The following MCC variants were observed in gnomAD, a reference collection of about 807,000 sequenced individuals.
MCC encodes colorectal mutant cancer protein.
MCC carries 90 observed loss-of-function variants against 116.2 expected under a neutral mutation model. The observed-to-expected ratio is 0.77, with a 90% confidence interval of 0.65 to 0.92. The LOEUF (loss-of-function observed/expected upper bound fraction) is 0.92, where lower values mean the gene tolerates loss of function less well. Ranked by LOEUF, MCC falls within the 40% of genes least tolerant of loss-of-function variation. MCC has a pLI of 0.00. For missense variants in MCC, 1,516 were observed against 1,312.2 expected, an observed-to-expected ratio of 1.16 and a Z score of -2.40; for synonymous variants, 578 against 510.5, an observed-to-expected ratio of 1.13 and a Z score of -1.78.
At chr5:113,080,820 AAAAAAAAG>A (rs950244879) in intron 11 of MCC, among the ~76,000 whole-genome samples, 8 of 145,520 alleles carry the variant, frequency 5.5e-5, no homozygotes, top group African/African-American at 1.9e-4. Flanking sequence ...AACAACAAAA[AAAAAAAAG>A]AAAAGAAAAA....
At chr5:113,141,449 G>C (rs1759176288) in intron 5 of MCC, among the ~76,000 whole-genome samples, 2 of 152,158 alleles carry the variant, frequency 1.3e-5, no homozygotes, top group African/African-American at 4.8e-5. Flanking sequence ...ATGTCTATCT[G>C]TCTCTACGTT....
intron 16 of MCC, among the ~76,000 whole-genome samples, chr5:113,047,548 T>C (rs1430992323): frequency 6.6e-6 from 1 of 152,156 alleles, no homozygotes. Context: ...ATCAGTACTG[T>C]TCCTTCTTTC....
chr5:113,166,249 TAAAAA>T (rs1760760815), intron 3 of MCC, among the ~76,000 whole-genome samples: 1 of 152,158 alleles, frequency 6.6e-6, no homozygotes, highest in Non-Finnish European at 1.5e-5. Flanking sequence ...CCAACCTAGA[TAAAAA>T]TATCAAAAGA....
intron 3 of MCC, among the ~76,000 whole-genome samples, chr5:113,182,924 A>G (rs1761706079): frequency 6.6e-6 from 1 of 152,216 alleles, no homozygotes; most frequent in Non-Finnish European, 1.5e-5. Flanking sequence ...TGCCACAGAC[A>G]GCACAGGAGA....
intron 5 of MCC, among the ~76,000 whole-genome samples, chr5:113,130,655 G>A (rs1758369117): frequency 6.6e-6 from 1 of 152,056 alleles, no homozygotes; most frequent in South Asian, 2.1e-4. Flanking sequence ...TTGTGGGTGA[G>A]TGAGTTCTCA....
chr5:113,040,237 A>G (rs1751607653), intron 17 of MCC, among the ~76,000 whole-genome samples: 1 of 151,954 alleles, frequency 6.6e-6, no homozygotes, highest in Non-Finnish European at 1.5e-5. Flanking sequence ...AGGAGAAGAT[A>G]CACTGAGAGA....
intron 2 of MCC, 35 bp downstream of exon 2, chr5:113,384,932 TG>T: frequency 6.2e-6 from 10 of 1,611,692 alleles, no homozygotes; most frequent in Non-Finnish European, 8.5e-6. Context: ...GCAAGGCCAG[TG>T]GAGTGCCATA....
rs200675085 is a variant in MCC at position 113,431,768 on chromosome 5, G to GT, written c.171-46557_171-46556insA. Among the ~76,000 whole-genome samples the GT allele has an allele frequency of 2.0e-4, 28 of 136,850 alleles. 1 individual carries two copies. The highest frequency in any genetic ancestry group is 5.6e-4 in the African/African-American group (21 of 37,504). 89.8% of individuals were successfully genotyped at this position (136,850 alleles called of 152,430 possible). On this transcript the variant is annotated intron_variant, in intron 1 of 18. Transcript: ENST00000408903. ...CCCAGCAGTTTGGGAGGCCAAGGGG[G>GT]GGGGGGGGTGGATCACGAGGTCAAG... is the stretch of plus-strand genomic sequence containing the variant.
chr5:113,039,242 A>G (rs1451115025), intron 17 of MCC, among the ~76,000 whole-genome samples: 1 of 152,222 alleles, frequency 6.6e-6, no homozygotes, highest in Non-Finnish European at 1.5e-5. Context: ...TTTAAAGACG[A>G]GATCTCGCTA....
chr5:113,228,945 T>C (rs997013840), intron 3 of MCC, among the ~76,000 whole-genome samples: 1 of 152,184 alleles, frequency 6.6e-6, no homozygotes, highest in Non-Finnish European at 1.5e-5. Context: ...CATTTACATA[T>C]ATGGGAAAGA....
intron 3 of MCC, among the ~76,000 whole-genome samples, chr5:113,292,157 G>A (rs976983795): frequency 1.3e-5 from 2 of 152,064 alleles, no homozygotes; most frequent in African/African-American, 4.8e-5. Context: ...GCTTGAACCC[G>A]GGAGGCAGAG....
At chr5:113,215,902 C>T (rs544866415) in intron 3 of MCC, among the ~76,000 whole-genome samples, 52 of 152,312 alleles carry the variant, frequency 3.4e-4, no homozygotes, top group African/African-American at 1.2e-3. Flanking sequence ...TCAGTAGGGG[C>T]TGGAATGACC....
intron 1 of MCC, among the ~76,000 whole-genome samples, chr5:113,389,792 C>T (rs570927895): frequency 6.6e-6 from 1 of 152,258 alleles, no homozygotes; most frequent in African/African-American, 2.4e-5. Context: ...CTTAAACTCT[C>T]AGAAGTTGAA....
chr5:113,219,448 A>G (rs1763457721), intron 3 of MCC, among the ~76,000 whole-genome samples: 1 of 152,248 alleles, frequency 6.6e-6, no homozygotes, highest in Non-Finnish European at 1.5e-5. Flanking sequence ...AATGTATCTA[A>G]AAAGCTGGTG....
chr5:113,426,854 C>T lies in MCC; in HGVS notation c.171-41642G>A, dbSNP rs563880037. ...TAATATTTCAGAAACTTAAAATTCA[C>T]TCCTCTATAATGCGATGGGAGTGCA... On this transcript the variant is annotated intron_variant, in intron 1 of 18. Coordinates refer to ENST00000408903, the MANE Select transcript of MCC (RefSeq NM_001085377.2). Among the ~76,000 whole-genome samples the T allele has an allele frequency of 6.6e-5, 10 of 152,250 alleles. No homozygotes were observed. The South Asian group carries it at 1.5e-3, about 22-fold the overall frequency.
At chr5:113,056,874 T>C (rs1752870444) in intron 14 of MCC, among the ~76,000 whole-genome samples, 1 of 152,144 alleles carries the variant, frequency 6.6e-6, no homozygotes, top group Non-Finnish European at 1.5e-5. Flanking sequence ...AGGGAACTCA[T>C]ATTCTAATAG....
At chr5:113,227,068 T>A (rs190734382) in intron 3 of MCC, among the ~76,000 whole-genome samples, 24 of 152,162 alleles carry the variant, frequency 1.6e-4, no homozygotes, top group Admixed American at 3.3e-4. Flanking sequence ...CCAGGCTCAG[T>A]TTTTCTTTTA....
At chr5:113,307,805 C>A (rs1487911584) in intron 3 of MCC, among the ~76,000 whole-genome samples, 2 of 152,018 alleles carry the variant, frequency 1.3e-5, no homozygotes, top group African/African-American at 4.8e-5. Context: ...TCCCCTTTTT[C>A]TTCAATAAAT....
intron 2 of MCC, among the ~76,000 whole-genome samples, chr5:113,372,563 G>A (rs191913434): frequency 6.6e-6 from 1 of 152,156 alleles, no homozygotes; most frequent in African/African-American, 2.4e-5. Flanking sequence ...TCTGTCTGCA[G>A]TGAATACAGA....
Sources: allele counts gnomAD v4.1 joint callset (sites outside exome capture counted in the v4.1 genomes callset), GRCh38; gene constraint gnomAD v4.1.1; transcripts MANE v1.5; gene names NCBI Gene and HGNC (gene_info 2026-07-23, HGNC 2026-07-21).